The following ZNF169 variants were observed in gnomAD, a reference collection of about 807,000 sequenced individuals.
ZNF169 encodes zinc finger protein 169.
In ZNF169, 11 loss-of-function variants were observed where a neutral mutation model predicts 12.0. The observed-to-expected ratio is 0.92, with a 90% confidence interval of 0.58 to 1.52. ZNF169 has a LOEUF of 1.52. Among genes scored for constraint, ZNF169 ranks in the 40% most tolerant of loss-of-function variants. The pLI is 0.00. For synonymous variants in ZNF169, 302 were observed against 286.5 expected, an observed-to-expected ratio of 1.05 and a Z score of -0.55; for missense variants, 722 against 744.0, an observed-to-expected ratio of 0.97 and a Z score of 0.34.
intron 4 of ZNF169, 193 bp from the exon 5 acceptor site, chr9:94,299,622 T>G: frequency 7.2e-7 from 1 of 1,386,946 alleles, no homozygotes; most frequent in South Asian, 1.8e-5. Context: ...CTGTGATGCT[T>G]TTTTGAACCT....
intron 2 of ZNF169, chr9:94,288,402 C>T: frequency 4.0e-6 from 5 of 1,255,356 alleles, no homozygotes; most frequent in South Asian, 2.4e-5. Flanking sequence ...CTTTGGTATT[C>T]TCAGTGTTGG....
chr9:94,273,088 G>A (rs889231043), intron 1 of ZNF169, among the ~76,000 whole-genome samples: 12 of 152,060 alleles, frequency 7.9e-5, no homozygotes, highest in African/African-American at 2.9e-4. Flanking sequence ...TTACTGAGTT[G>A]TAGAAGTTCT....
intron 1 of ZNF169, among the ~76,000 whole-genome samples, chr9:94,259,735 C>A (rs57062938): frequency 0.22 from 33,587 of 151,900 alleles, 3,993 homozygotes; most frequent in Non-Finnish European, 0.25. Context: ...CCACTAGTAT[C>A]CCGCCATCCC....
At chr9:94,259,906 T>A (rs1445946176) in intron 1 of ZNF169, among the ~76,000 whole-genome samples, 1 of 152,128 alleles carries the variant, frequency 6.6e-6, no homozygotes, top group Non-Finnish European at 1.5e-5. Flanking sequence ...ATTTATTTAT[T>A]TATTTATTTT....
At chr9:94,296,554 G>A (rs915102679) in intron 4 of ZNF169, among the ~76,000 whole-genome samples, 3 of 152,026 alleles carry the variant, frequency 2.0e-5, no homozygotes, top group Non-Finnish European at 2.9e-5. Flanking sequence ...CTGAATTTAT[G>A]TACTTTTTTA....
chr9:94,276,335 G>A (rs1432806564), intron 1 of ZNF169, among the ~76,000 whole-genome samples: 7 of 150,614 alleles, frequency 4.6e-5, no homozygotes, highest in Non-Finnish European at 5.9e-5. Flanking sequence ...GCGTGATTTC[G>A]GCTTACTGCA....
At chr9:94,293,119 A>G in intron 4 of ZNF169, 50 bp downstream of exon 4, 1 of 1,517,140 alleles carries the variant, frequency 6.6e-7, no homozygotes, top group South Asian at 1.1e-5. Flanking sequence ...TGAGGAGCTC[A>G]GCAGGTAAGG....
intron 2 of ZNF169, among the ~76,000 whole-genome samples, chr9:94,286,988 A>G (rs916892766): frequency 2.0e-5 from 3 of 152,210 alleles, no homozygotes; most frequent in Non-Finnish European, 2.9e-5. Context: ...GTTTGTACAC[A>G]CAATCAAGCA....
intron 2 of ZNF169, among the ~76,000 whole-genome samples, chr9:94,291,047 C>CTTTTTTTTTTT (rs59027045): frequency 1.7e-5 from 1 of 59,570 alleles, no homozygotes; most frequent in Admixed American, 2.7e-4. Flanking sequence ...GAACAGTATT[C>CTTTTTTTTTTT]TTTTTTTTTT....
intron 1 of ZNF169, among the ~76,000 whole-genome samples, chr9:94,263,577 C>T (rs376219757): frequency 2.0e-5 from 3 of 150,520 alleles, no homozygotes; most frequent in East Asian, 1.9e-4. Context: ...TTTTTAGAGA[C>T]GATGTTTTGC....
chr9:94,270,806 A>G (rs1311986885), intron 1 of ZNF169, among the ~76,000 whole-genome samples: 65 of 32,110 alleles, frequency 2.0e-3, no homozygotes, highest in African/African-American at 6.2e-3. Context: ...TAATATATAT[A>G]TTATATTATA....
chr9:94,267,010 G>A (rs191002804), intron 1 of ZNF169, among the ~76,000 whole-genome samples: 4 of 151,434 alleles, frequency 2.6e-5, no homozygotes, highest in Admixed American at 6.6e-5. Context: ...CTGGGTTCAC[G>A]CCATTCTCCT....
Position 94,300,265 on chromosome 9 carries a change from G to T in ZNF169, c.707G>T (p.Cys236Phe). 3 of 1,614,234 alleles carry T rather than the reference G, an allele frequency of 1.9e-6. No individual in the cohort carries two copies. Among genetic ancestry groups the T allele is most frequent in the Non-Finnish European group, 2.5e-6 (3 of 1,180,036 alleles). Reference sequence around the variant, plus strand: ...TTCAGCCACCAGAAGCATCATGTGTGCCCTGAATGCGGGAGAGGCTTTTGC... The same window carrying T: ...TTCAGCCACCAGAAGCATCATGTGTTCCCTGAATGCGGGAGAGGCTTTTGC... Reference protein sequence around the residue: ...SLFSHQKHHVCPECGRGFCQR... With the variant: ...SLFSHQKHHVFPECGRGFCQR... Residue 236 changes from cysteine to phenylalanine, a missense_variant, in exon 5 of 5, where the codon TGC (cysteine) becomes TTC (phenylalanine). Cys to Phe is a radical substitution (Grantham distance 205). Coordinates refer to ENST00000395395, the MANE Select transcript of ZNF169 (RefSeq NM_194320.4).
chr9:94,260,655 C>T (rs929548982), intron 1 of ZNF169, among the ~76,000 whole-genome samples: 1 of 151,930 alleles, frequency 6.6e-6, no homozygotes, highest in African/African-American at 2.4e-5. Context: ...GTGGCTCCCT[C>T]GGACTTGGGG....
chr9:94,266,585 G>A (rs1428367028), intron 1 of ZNF169, among the ~76,000 whole-genome samples: 1 of 152,066 alleles, frequency 6.6e-6, no homozygotes. Context: ...GCTTCAAGAA[G>A]GCACAGCTTA....
At chr9:94,272,300 A>G (rs1430158345) in intron 1 of ZNF169, among the ~76,000 whole-genome samples, 2 of 152,086 alleles carry the variant, frequency 1.3e-5, no homozygotes, top group Non-Finnish European at 2.9e-5. Context: ...TTACTGTGGC[A>G]AAACAACCAC....
chr9:94,300,669 G>T lies in ZNF169; in HGVS notation c.1111G>T (p.Glu371Ter). The T allele has an allele frequency of 6.2e-7, 1 of 1,614,058 alleles. No individual in the cohort carries two copies. The highest frequency in any genetic ancestry group is 8.5e-7 in the Non-Finnish European group (1 of 1,179,964). Residue 371 changes from glutamate to a stop codon, truncating the protein, a stop_gained, in exon 5 of 5, where the codon GAG (glutamate) becomes TAG (stop). Coordinates refer to ENST00000395395, the MANE Select transcript of ZNF169 (RefSeq NM_194320.4). LOFTEE classifies it low-confidence loss of function (END_TRUNC). ...LLQHQSSHTG[E>*]RPFLCLECGR... The stretch of plus-strand genomic sequence containing the variant: ...CCAGCACCAGAGCTCACACACAGGG[G>T]AGAGGCCCTTCCTGTGCCTTGAGTG...
chr9:94,275,692 G>T (rs1447195443), intron 1 of ZNF169, among the ~76,000 whole-genome samples: 1 of 151,904 alleles, frequency 6.6e-6, no homozygotes, highest in East Asian at 1.9e-4. Flanking sequence ...AATAGGAGTC[G>T]TGGGGGCATC....
intron 1 of ZNF169, among the ~76,000 whole-genome samples, chr9:94,270,725 T>G (rs1321613323): frequency 5.2e-5 from 1 of 19,230 alleles, no homozygotes; most frequent in African/African-American, 7.5e-5. Context: ...TATAATATTA[T>G]ATATTATATA....
Sources: gnomAD v4.1 joint callset for allele counts (sites outside exome capture counted in the v4.1 genomes callset) on GRCh38, gnomAD v4.1.1 for gene constraint, MANE v1.5 for transcripts, NCBI Gene and HGNC (gene_info 2026-07-23, HGNC 2026-07-21) for gene names.